Variants in CYP2C18 observed in about 807,000 individuals in gnomAD.
The protein encoded by CYP2C18 is cytochrome P450 family 2 subfamily C member 18.
CYP2C18 carries 38 observed loss-of-function variants against 41.3 expected under a neutral mutation model. The observed-to-expected ratio is 0.92, with a 90% CI of 0.71 to 1.21. CYP2C18 has a LOEUF of 1.21. Ranked by LOEUF, CYP2C18 falls within the 50% of genes most tolerant of loss-of-function variation. CYP2C18 has a pLI of 0.00. For missense variants in CYP2C18, 635 were observed against 591.4 expected (o/e 1.07, Z -0.77); for synonymous variants, 236 against 210.0 (o/e 1.12, Z -1.07).
intron 7 of CYP2C18, among the ~76,000 whole-genome samples, chr10:94,729,886 T>C (rs1847800220): frequency 6.6e-6 from 1 of 152,112 alleles, no homozygotes; most frequent in Admixed American, 6.6e-5. Flanking sequence ...AAAACTTTGG[T>C]AGAGAAAATA....
chr10:94,686,295 C>G (rs1405827430), intron 1 of CYP2C18, among the ~76,000 whole-genome samples: 1 of 152,038 alleles, frequency 6.6e-6, no homozygotes, highest in African/African-American at 2.4e-5. Context: ...GTACTGAAGT[C>G]TTTAGATTTT....
At chr10:94,687,982 G>T in intron 2 of CYP2C18, 50 bp downstream of exon 2, 1 of 1,601,852 alleles carries the variant, frequency 6.2e-7, no homozygotes, top group Non-Finnish European at 8.5e-7. Context: ...GTACTGGGCA[G>T]TGGCTATAGG....
At chr10:94,729,912 A>G (rs1184272673) in intron 7 of CYP2C18, among the ~76,000 whole-genome samples, 7 of 152,154 alleles carry the variant, frequency 4.6e-5, no homozygotes, top group Non-Finnish European at 1.0e-4. Context: ...GCTAAATCCT[A>G]GGAAGCCTGT....
At chr10:94,731,304 C>T (rs558042350) in intron 7 of CYP2C18, among the ~76,000 whole-genome samples, 14 of 151,822 alleles carry the variant, frequency 9.2e-5, no homozygotes, top group South Asian at 6.2e-4. Flanking sequence ...GGCGTGAACC[C>T]GGAAGGTGGA....
intron 5 of CYP2C18, among the ~76,000 whole-genome samples, chr10:94,715,105 T>G (rs183129028): frequency 4.6e-5 from 7 of 152,344 alleles, no homozygotes; most frequent in African/African-American, 1.7e-4. Context: ...TTTCTAAATA[T>G]ACAATCATGT....
intron 7 of CYP2C18, chr10:94,728,751 T>A (rs975456953): frequency 8.2e-6 from 2 of 243,094 alleles, no homozygotes; most frequent in Admixed American, 6.5e-5. Context: ...TTTTTTTTTT[T>A]AACAAAAGTT....
chr10:94,721,904 CTGT>C (rs138417950), intron 6 of CYP2C18, among the ~76,000 whole-genome samples: 24,802 of 151,844 alleles, frequency 0.16, 2,220 homozygotes, highest in East Asian at 0.36. Context: ...ATCCATTCAT[CTGT>C]TGATGGATGC....
In CYP2C18 at chr10:94,733,381, T is replaced by C; in HGVS notation, c.1234T>C (p.Phe412Leu). The change falls in exon 8 of 9, where the codon TTT becomes CTT. Residue 412 changes from phenylalanine to leucine, a missense_variant. Coordinates refer to ENST00000285979, the MANE Select transcript of CYP2C18 (RefSeq NM_000772.3). ...PNPEMFDPGH[F>L]LDKSGNFKKS... is the part of the protein sequence containing the mutation. ...CCCAGAGATGTTTGACCCTGGCCAC[T>C]TTCTGGATAAGAGTGGCAACTTTAA... The C allele has an allele frequency of 6.2e-7, 1 of 1,613,498 alleles. No homozygotes were observed. Among genetic ancestry groups the C allele is most frequent in the South Asian group, 1.1e-5 (1 of 91,050 alleles).
chr10:94,698,432 T>C (rs1847165269), intron 4 of CYP2C18, among the ~76,000 whole-genome samples: 2 of 152,080 alleles, frequency 1.3e-5, no homozygotes, highest in African/African-American at 2.4e-5. Context: ...TTGAAACCAA[T>C]GAGAACAAAG....
chr10:94,692,904 A>C (rs1361790798), intron 3 of CYP2C18, among the ~76,000 whole-genome samples: 1 of 152,116 alleles, frequency 6.6e-6, no homozygotes, highest in Non-Finnish European at 1.5e-5. Context: ...CATCATTCTG[A>C]GCAAACTATC....
chr10:94,701,209 G>A (rs1486595261), intron 4 of CYP2C18, among the ~76,000 whole-genome samples: 2 of 152,098 alleles, frequency 1.3e-5, no homozygotes, highest in East Asian at 3.8e-4. Flanking sequence ...GCAAAGACTT[G>A]GAACCACACC....
intron 4 of CYP2C18, among the ~76,000 whole-genome samples, chr10:94,704,095 C>A (rs181248125): frequency 6.6e-6 from 1 of 152,064 alleles, no homozygotes; most frequent in Admixed American, 6.6e-5. Context: ...ATGAACCGGG[C>A]ACCTCAGTTG....
chr10:94,703,825 C>T (rs1295478022), intron 4 of CYP2C18, among the ~76,000 whole-genome samples: 1 of 152,100 alleles, frequency 6.6e-6, no homozygotes, highest in Non-Finnish European at 1.5e-5. Flanking sequence ...GGCCAAGTGG[C>T]CACCCAGTTT....
rs1847413519 is a variant in CYP2C18, at chr10:94,710,313, T to C, written c.819+3353T>C. The stretch of plus-strand genomic sequence containing the variant: ...AGTTTTGAAATTGGAAAGTGTCAGT[T>C]CTCCAGTTTTGTTCTTTCCCAAGAT... On this transcript the variant is annotated intron_variant, in intron 5 of 8. Transcript: ENST00000285979. Among the ~76,000 whole-genome samples the C allele has an allele frequency of 2.0e-5, 3 of 152,174 alleles. No individual in the cohort carries two copies. The South Asian group carries it at 6.2e-4, about 32-fold the overall frequency.
At chr10:94,719,471 A>G (rs746009615) in intron 5 of CYP2C18, among the ~76,000 whole-genome samples, 100 of 151,556 alleles carry the variant, frequency 6.6e-4, no homozygotes, top group Non-Finnish European at 1.2e-3. Context: ...TGGCATGAAC[A>G]TGCTTCACTG....
At chr10:94,720,099 A>G in intron 5 of CYP2C18, among the ~76,000 whole-genome samples, 1 of 152,152 alleles carries the variant, frequency 6.6e-6, no homozygotes, top group East Asian at 1.9e-4. Context: ...AAGGAGAGAA[A>G]GTGCCATCAA....
chr10:94,693,212 A>G (rs1847045225), intron 3 of CYP2C18, among the ~76,000 whole-genome samples: 1 of 152,120 alleles, frequency 6.6e-6, no homozygotes, highest in Non-Finnish European at 1.5e-5. Flanking sequence ...GTGAGAGGTG[A>G]TTGGATCATG....
chr10:94,723,353 C>T (rs1589805262), intron 6 of CYP2C18, among the ~76,000 whole-genome samples: 1 of 151,984 alleles, frequency 6.6e-6, no homozygotes, highest in Non-Finnish European at 1.5e-5. Flanking sequence ...TTAGAATGGA[C>T]CAGGTGGATC....
chr10:94,698,849 A>G (rs955551228), intron 4 of CYP2C18, among the ~76,000 whole-genome samples: 1 of 152,198 alleles, frequency 6.6e-6, no homozygotes, highest in Non-Finnish European at 1.5e-5. Context: ...TACTACAAAC[A>G]CCTCTATGCA....
Sources: allele counts gnomAD v4.1 joint callset (sites outside exome capture counted in the v4.1 genomes callset), GRCh38; gene constraint gnomAD v4.1.1; transcripts MANE v1.5; gene names NCBI Gene and HGNC (gene_info 2026-07-23, HGNC 2026-07-21).